KIF26B: variants seen among roughly 807,000 people sequenced by gnomAD.
The protein encoded by KIF26B is kinesin-like protein KIF26B.
KIF26B carries 63 observed loss-of-function variants against 151.2 expected under a neutral mutation model. The observed-to-expected ratio is 0.42, with a 90% CI of 0.34 to 0.51. The LOEUF is 0.51. KIF26B is among the 20% of genes least tolerant of loss of function. The pLI, the probability that KIF26B is intolerant of heterozygous loss-of-function variation, is 0.07. For synonymous variants in KIF26B, 1,357 were observed against 1,262.1 expected, an observed-to-expected ratio of 1.08 and a Z score of -1.59; for missense variants, 2,813 against 2,913.6, an observed-to-expected ratio of 0.97 and a Z score of 0.79.
chr1:245,645,744 G>A (rs906080827), intron 9 of KIF26B, among the ~76,000 whole-genome samples: 1 of 152,154 alleles, frequency 6.6e-6, no homozygotes, highest in Non-Finnish European at 1.5e-5. Flanking sequence ...AGCCATTCAG[G>A]TTTTAACTTG....
At position 245,685,740 on chromosome 1, in the gene KIF26B, C is replaced by T. The variant is rs371121385; in HGVS notation, c.2757C>T (p.Asp919=). 301 of 1,612,870 alleles carry T rather than the reference C, an allele frequency of 1.9e-4. 1 individual carries two copies. The African/African-American group carries it at 3.5e-3, about 19-fold the overall frequency. The change falls in exon 12 of 15, where the codon GAC becomes GAT. Residue 919 remains aspartate, a synonymous_variant. Transcript: ENST00000407071. ...GEAAAGKSER[D]CLKCNTFAEL... is the part of the protein sequence containing the mutation. ...CTGCAGCCGGCAAGTCAGAAAGGGA[C>T]TGCCTGAAGTGCAACACGTTTGCCG... is the stretch of plus-strand genomic sequence containing the variant.
At chr1:245,265,201 C>CAAAAA (rs59716075) in intron 2 of KIF26B, among the ~76,000 whole-genome samples, 2 of 47,360 alleles carry the variant, frequency 4.2e-5, no homozygotes, top group Admixed American at 2.1e-4. Context: ...GACTCCATCT[C>CAAAAA]AAAAAAAAAA....
At chr1:245,327,418 G>A (rs937140362) in intron 2 of KIF26B, among the ~76,000 whole-genome samples, 7 of 152,170 alleles carry the variant, frequency 4.6e-5, no homozygotes, top group South Asian at 2.1e-4. Context: ...TAGACTGCTC[G>A]AGTTGTTTTT....
intron 2 of KIF26B, among the ~76,000 whole-genome samples, chr1:245,316,200 G>C (rs1437072731): frequency 6.6e-6 from 1 of 151,208 alleles, no homozygotes; most frequent in African/African-American, 2.4e-5. Flanking sequence ...GCAGTGGTGT[G>C]AACCTCCGCC....
At position 245,563,879 on chromosome 1, in the gene KIF26B, C is replaced by T. The variant is rs77413094; in HGVS notation, c.1350+22929C>T. 1.9e-4 allele frequency among the ~76,000 whole-genome samples: 29 copies of T among 152,262 alleles called. No individual in the cohort carries two copies. The East Asian group carries it at 4.1e-3, about 21-fold the overall frequency. ...TTGAACTTGACCTTGCTCTCCTCCTCGGGTCAGGCCTGCCGACCCTGCACT... is the reference window on the plus strand; with the variant it reads ...TTGAACTTGACCTTGCTCTCCTCCTTGGGTCAGGCCTGCCGACCCTGCACT... On this transcript the variant is annotated intron_variant, in intron 5 of 14. Transcript: ENST00000407071. The surrounding 1 kb of genome is among the most constrained non-coding windows in gnomAD (Gnocchi z 4.6).
intron 2 of KIF26B, among the ~76,000 whole-genome samples, chr1:245,284,125 T>A (rs560369937): frequency 5.6e-4 from 85 of 152,360 alleles, no homozygotes; most frequent in Non-Finnish European, 1.0e-3. Flanking sequence ...ATGTAGTTTT[T>A]TAACCACATA....
chr1:245,611,494 C>T (rs1436586379), intron 8 of KIF26B, among the ~76,000 whole-genome samples: 1 of 152,282 alleles, frequency 6.6e-6, no homozygotes, highest in East Asian at 1.9e-4. Context: ...AAGGATGAGC[C>T]ATCTGCTCCC....
intron 2 of KIF26B, among the ~76,000 whole-genome samples, chr1:245,342,924 A>G (rs868472216): frequency 2.8e-4 from 42 of 152,214 alleles, no homozygotes; most frequent in Middle Eastern, 3.4e-3. Context: ...CGTCTCTGCT[A>G]AAAATACAAA....
Position 245,352,410 on chromosome 1 carries a change from C to T in KIF26B, c.466-14424C>T, listed in dbSNP as rs545820088. On this transcript the variant is annotated intron_variant, in intron 2 of 14. Transcript: ENST00000407071. This position sits in a 1 kb window ranked among gnomAD's most constrained non-coding sequence, Gnocchi z 5.0. ...TCCTGAGTAGCTGGGATTACAGGCA[C>T]CCACCACCACACCTGGCTAATTTTT... Among the ~76,000 whole-genome samples the T allele has an allele frequency of 6.6e-5, 10 of 152,248 alleles. No individual in the cohort carries two copies. Among genetic ancestry groups the T allele is most frequent in the South Asian group, 6.2e-4 (3 of 4,818 alleles).
At chr1:245,571,591 C>G (rs2043066438) in intron 5 of KIF26B, among the ~76,000 whole-genome samples, 1 of 152,180 alleles carries the variant, frequency 6.6e-6, no homozygotes, top group Non-Finnish European at 1.5e-5. Context: ...TCTCTAAACA[C>G]TTTAAGTAAC....
intron 5 of KIF26B, among the ~76,000 whole-genome samples, chr1:245,556,733 G>T (rs1466767888): frequency 1.3e-5 from 2 of 152,070 alleles, no homozygotes; most frequent in Non-Finnish European, 2.9e-5. Context: ...TGAGATGGAG[G>T]TCTCTGTATC....
chr1:245,596,372 TG>T (rs1352187678), intron 5 of KIF26B, among the ~76,000 whole-genome samples: 1 of 152,240 alleles, frequency 6.6e-6, no homozygotes, highest in Non-Finnish European at 1.5e-5. Flanking sequence ...TTGTGCTCAT[TG>T]GTTTCAAAGA....
At chr1:245,550,340 C>T (rs1661849441) in intron 5 of KIF26B, among the ~76,000 whole-genome samples, 1 of 152,218 alleles carries the variant, frequency 6.6e-6, no homozygotes, top group African/African-American at 2.4e-5. Flanking sequence ...CCAATGCTAG[C>T]TTCTTCAGTT....
At position 245,214,531 on chromosome 1, in the gene KIF26B, C is replaced by T. The variant is rs57003285; in HGVS notation, c.465+57848C>T. Among the ~76,000 whole-genome samples, 260 of 152,290 alleles carry T rather than the reference C, an allele frequency of 1.7e-3. 2 individuals carry two copies. The highest frequency in any genetic ancestry group is 6.0e-3 in the African/African-American group (249 of 41,558). On this transcript the variant is annotated intron_variant, in intron 2 of 14. Transcript: ENST00000407071. ...GCCAGACAGAGGGCAAGTCCTTGAG[C>T]GGGCGTCCAGTGCAGGTGTGCTGAA... is the stretch of plus-strand genomic sequence containing the variant.
chr1:245,488,630 G>T lies in KIF26B; in HGVS notation c.1167-52137G>T, dbSNP rs529550962. The stretch of plus-strand genomic sequence containing the variant: ...CAGATGCTATCACTCCTCTGCCGTG[G>T]CCCCATCCTCCTCTGTCTGGCTTTT... On this transcript the variant is annotated intron_variant, in intron 4 of 14. Transcript: ENST00000407071. The surrounding 1 kb of genome is among the most constrained non-coding windows in gnomAD (Gnocchi z 4.6). 6.6e-6 allele frequency among the ~76,000 whole-genome samples: 1 copy of T among 152,258 alleles called. No individual in the cohort carries two copies. The highest frequency in any genetic ancestry group is 2.1e-4 in the South Asian group (1 of 4,816).
At position 245,491,232 on chromosome 1, in the gene KIF26B, G is replaced by A. The variant is rs115655626; in HGVS notation, c.1167-49535G>A. ...GAGATGTAGGACCTAAAAAATTTAGGTCAAAGCTTACATATAAGTGGCTTT... is the reference window on the plus strand; with the variant it reads ...GAGATGTAGGACCTAAAAAATTTAGATCAAAGCTTACATATAAGTGGCTTT... On this transcript the variant is annotated intron_variant, in intron 4 of 14. Coordinates refer to ENST00000407071, the MANE Select transcript of KIF26B (RefSeq NM_018012.4). Among the ~76,000 whole-genome samples the A allele has an allele frequency of 4.5e-3, 682 of 152,106 alleles. 5 individuals are homozygous for A. The highest frequency in any genetic ancestry group is 0.016 in the African/African-American group (645 of 41,488).
chr1:245,675,109 G>C (rs1042311546), intron 10 of KIF26B, among the ~76,000 whole-genome samples: 3 of 152,190 alleles, frequency 2.0e-5, no homozygotes, highest in African/African-American at 7.2e-5. Context: ...AGAGACACAT[G>C]GGGCAGAATC....
chr1:245,624,380 T>C (rs762688872), intron 9 of KIF26B, among the ~76,000 whole-genome samples: 6 of 152,216 alleles, frequency 3.9e-5, no homozygotes, highest in Non-Finnish European at 7.3e-5. Flanking sequence ...GCTTGTACTA[T>C]TTTATATGGG....
At chr1:245,253,715 T>C (rs951442883) in intron 2 of KIF26B, among the ~76,000 whole-genome samples, 3 of 151,522 alleles carry the variant, frequency 2.0e-5, no homozygotes, top group African/African-American at 4.8e-5. Context: ...TATAGGACTT[T>C]TCAGTTTTTA....
Sources: gnomAD v4.1 joint callset for allele counts (sites outside exome capture counted in the v4.1 genomes callset) on GRCh38, gnomAD v4.1.1 for gene constraint, Gnocchi (gnomAD v3.1) non-coding constraint, MANE v1.5 for transcripts, NCBI Gene and HGNC (gene_info 2026-07-23, HGNC 2026-07-21) for gene names.